CLEC2D: variants seen among roughly 807,000 people sequenced by gnomAD.
CLEC2D encodes C-type lectin related f.
CLEC2D carries 16 observed loss-of-function variants against 20.0 expected under a neutral mutation model. That is an observed-to-expected ratio of 0.80 (90% CI 0.54 to 1.22). CLEC2D has a LOEUF of 1.22. Ranked by LOEUF, CLEC2D falls within the 50% of genes most tolerant of loss-of-function variation. The pLI, the probability that CLEC2D is intolerant of heterozygous loss-of-function variation, is 0.00. For missense variants in CLEC2D, 207 were observed against 221.5 expected, an observed-to-expected ratio of 0.93 and a Z score of 0.42; for synonymous variants, 77 against 71.1, an observed-to-expected ratio of 1.08 and a Z score of -0.42.
chr12:9,693,486 TTGTC>T (rs756943528), intron 4 of CLEC2D: 35 of 180,918 alleles, frequency 1.9e-4, no homozygotes, highest in Admixed American at 5.6e-4. Context: ...CACTCAATGT[TTGTC>T]TGAGAGATGA....
At chr12:9,685,326 A>T (rs1464793417) in intron 2 of CLEC2D, among the ~76,000 whole-genome samples, 1 of 152,218 alleles carries the variant, frequency 6.6e-6, no homozygotes, top group East Asian at 1.9e-4. Flanking sequence ...TCAGGGACCC[A>T]CTTGAAAAGG....
chr12:9,694,203 A>G (rs1461732888), intron 4 of CLEC2D, among the ~76,000 whole-genome samples: 1 of 152,136 alleles, frequency 6.6e-6, no homozygotes, highest in African/African-American at 2.4e-5. Context: ...ATATTATATG[A>G]TTAAGGTCTA....
chr12:9,688,088 TA>T lies in CLEC2D; in HGVS notation c.357+4del, dbSNP rs1475849642. On this transcript the variant is annotated splice_donor_region_variant and intron_variant, in intron 3 of 4. Transcript: ENST00000290855. ...CAGGTTGAAAGCTTCCAGGAACTGG[TA>T]AGAAAATAGTTCTGGCCAGAATCAA... 1 of 1,576,488 alleles carries T rather than the reference TA, an allele frequency of 6.3e-7. No individual in the cohort carries two copies. The highest frequency in any genetic ancestry group is 1.7e-4 in the Middle Eastern group (1 of 5,928).
chr12:9,675,638 A>C (rs780620856), intron 1 of CLEC2D, among the ~76,000 whole-genome samples: 7 of 152,298 alleles, frequency 4.6e-5, no homozygotes, highest in South Asian at 2.1e-4. Context: ...TTGCCTATCT[A>C]TATAAACTTT....
rs116678075 is a variant in CLEC2D, at chr12:9,693,731, G to C, written c.461+800G>C. ...ATTGTGACTGCTTCATAAATATCTAGAATTAACTTTTATTTCTTATTTTAC... is the reference window on the plus strand; with the variant it reads ...ATTGTGACTGCTTCATAAATATCTACAATTAACTTTTATTTCTTATTTTAC... On this transcript the variant is annotated intron_variant, in intron 4 of 4. Transcript: ENST00000290855. 1,902 of 400,932 alleles carry C rather than the reference G, an allele frequency of 4.7e-3. 20 individuals carry two copies. Among genetic ancestry groups the C allele is most frequent in the African/African-American group, 0.029 (1,350 of 47,234 alleles). 24.8% of individuals were successfully genotyped at this position (400,932 alleles called of 1,614,324 possible).
chr12:9,673,650 A>G (rs73057567), intron 1 of CLEC2D, among the ~76,000 whole-genome samples: 1,532 of 152,350 alleles, frequency 0.01, 15 homozygotes, highest in Non-Finnish European at 0.016. Flanking sequence ...AGCAGGCAGA[A>G]AAGATAAGTC....
intron 1 of CLEC2D, among the ~76,000 whole-genome samples, chr12:9,674,982 G>A (rs1865493353): frequency 6.6e-6 from 1 of 151,986 alleles, no homozygotes; most frequent in Non-Finnish European, 1.5e-5. Context: ...GAGTCATTTT[G>A]GGGAAAAATG....
chr12:9,693,758 A>G, intron 4 of CLEC2D: 1 of 430,240 alleles, frequency 2.3e-6, no homozygotes, highest in East Asian at 7.4e-5. Flanking sequence ...TTATTTTACA[A>G]TACGGAAGTA....
rs1157784488 is a variant in CLEC2D, at chr12:9,697,229, A to G, written c.*2355A>G. 6.6e-6 allele frequency: 1 copy of G among 152,142 alleles called. No homozygotes were observed. Among genetic ancestry groups the G allele is most frequent in the African/African-American group, 2.4e-5 (1 of 41,424 alleles). 9.4% of individuals were successfully genotyped at this position (152,142 alleles called of 1,614,324 possible). ...GCTGGAAGGTTGTGGGTTTATGGGA[A>G]TGAGGGCAAGGAACACCTGGCCTGC... is the stretch of plus-strand genomic sequence containing the variant. On this transcript the variant is annotated 3_prime_UTR_variant, in exon 5 of 5. Transcript: ENST00000290855.
At chr12:9,687,048 A>G (rs1234927468) in intron 2 of CLEC2D, among the ~76,000 whole-genome samples, 1 of 152,200 alleles carries the variant, frequency 6.6e-6, no homozygotes, top group Non-Finnish European at 1.5e-5. Flanking sequence ...GTGAAAGACA[A>G]CGTTTTCATG....
At chr12:9,677,707 CTTTTT>C (rs36120151) in intron 1 of CLEC2D, among the ~76,000 whole-genome samples, 4 of 122,408 alleles carry the variant, frequency 3.3e-5, no homozygotes, top group Non-Finnish European at 3.4e-5. Flanking sequence ...TTCTTTCTTT[CTTTTT>C]TTTTTTTTTT....
At chr12:9,688,188 T>G in intron 3 of CLEC2D, 102 bp downstream of exon 3, 2 of 1,184,266 alleles carry the variant, frequency 1.7e-6, no homozygotes, top group Non-Finnish European at 1.1e-6. Context: ...GCTTTTACAT[T>G]GATTTTTTTT....
intron 1 of CLEC2D, among the ~76,000 whole-genome samples, chr12:9,677,065 A>C (rs1865532048): frequency 6.6e-6 from 1 of 151,168 alleles, no homozygotes; most frequent in African/African-American, 2.4e-5. Flanking sequence ...TTAATCTTTC[A>C]AACCTAGTTT....
intron 3 of CLEC2D, among the ~76,000 whole-genome samples, chr12:9,691,056 T>G (rs997389360): frequency 1.3e-4 from 19 of 151,974 alleles, no homozygotes; most frequent in Non-Finnish European, 2.2e-4. Context: ...CACAAAGAAG[T>G]TGAAAGTAAA....
At chr12:9,680,454 A>G (rs1695886613) in intron 1 of CLEC2D, among the ~76,000 whole-genome samples, 1 of 152,126 alleles carries the variant, frequency 6.6e-6, no homozygotes, top group South Asian at 2.1e-4. Flanking sequence ...CTATCCTTCC[A>G]AGAATAACAC....
intron 1 of CLEC2D, among the ~76,000 whole-genome samples, chr12:9,680,613 A>G (rs749803703): frequency 3.3e-5 from 5 of 152,258 alleles, no homozygotes; most frequent in Non-Finnish European, 5.9e-5. Flanking sequence ...GAATCAGAAT[A>G]ATTTGCTATG....
chr12:9,689,107 A>T (rs937993982), intron 3 of CLEC2D, among the ~76,000 whole-genome samples: 2 of 152,196 alleles, frequency 1.3e-5, no homozygotes, highest in African/African-American at 4.8e-5. Context: ...TTGAATGCTG[A>T]GGGGCAGACA....
chr12:9,692,176 C>T (rs1865882077), intron 3 of CLEC2D, among the ~76,000 whole-genome samples: 1 of 152,084 alleles, frequency 6.6e-6, no homozygotes, highest in Admixed American at 6.6e-5. Context: ...CACTCTATTG[C>T]CCAGGCTGGA....
chr12:9,697,977 GTGTA>G lies in CLEC2D; in HGVS notation c.*3108_*3111del, dbSNP rs1866037247. ...ATGAAGCTTATGTTAATTAGATTAAGTGTATGTACATAAAAACATCACATTATAC... is the reference window on the plus strand; with the variant it reads ...ATGAAGCTTATGTTAATTAGATTAAGTGTACATAAAAACATCACATTATAC... On this transcript the variant is annotated 3_prime_UTR_variant, in exon 5 of 5. Coordinates refer to ENST00000290855, the MANE Select transcript of CLEC2D (RefSeq NM_013269.6). The G allele has an allele frequency of 6.6e-6, 1 of 152,148 alleles. No individual in the cohort carries two copies. The highest frequency in any genetic ancestry group is 1.5e-5 in the Non-Finnish European group (1 of 68,008). 9.4% of individuals were successfully genotyped at this position (152,148 alleles called of 1,614,324 possible). A position where few individuals can be genotyped will look rare whatever the true frequency, so the allele number is the denominator to read the frequency against.
Sources: allele counts gnomAD v4.1 joint callset (sites outside exome capture counted in the v4.1 genomes callset), GRCh38; gene constraint gnomAD v4.1.1; transcripts MANE v1.5; gene names NCBI Gene and HGNC (gene_info 2026-07-23, HGNC 2026-07-21).